CFAP47: variants seen among roughly 807,000 people sequenced by gnomAD.
The protein encoded by CFAP47 is cilia and flagella associated protein 47, also known as cilia- and flagella-associated protein 47.
In CFAP47, 29 loss-of-function variants were observed where a neutral mutation model predicts 148.1. The ratio of observed to expected loss-of-function variants is 0.20; its 90% CI spans 0.15 to 0.27. CFAP47 has a LOEUF of 0.27. Ranked by LOEUF, CFAP47 falls within the 10% of genes least tolerant of loss-of-function variation. CFAP47 has a pLI of 1.00. For missense variants in CFAP47, 1,872 were observed against 1,697.5 expected (o/e 1.10, Z -1.81); for synonymous variants, 664 against 577.3 (o/e 1.15, Z -2.15).
chrX:36,306,799 G>A lies in CFAP47; in HGVS notation c.8110G>A (p.Glu2704Lys). Reference protein sequence around the residue: ...QLIISPHSTTELPVLFYPSAL... With the variant: ...QLIISPHSTTKLPVLFYPSAL... The stretch of plus-strand genomic sequence containing the variant: ...GATCATATCTCCTCACTCCACCACA[G>A]AATTACCTGTTCTCTTTTATCCTTC... Residue 2704 changes from glutamate to lysine, a missense_variant, in exon 55 of 64, where the codon GAA (glutamate) becomes AAA (lysine). By Grantham distance (56) the Glu-to-Lys change is moderately conservative. Coordinates refer to ENST00000378653, the MANE Select transcript of CFAP47 (RefSeq NM_001304548.2). 8.6e-7 allele frequency: 1 copy of A among 1,159,917 alleles called. No homozygotes were observed.
intron 15 of CFAP47, among the ~76,000 whole-genome samples, chrX:35,986,433 C>T (rs926905227): frequency 4.6e-5 from 5 of 108,321 alleles, no homozygotes; most frequent in East Asian, 3.0e-4. Flanking sequence ...ACAAAGTTCT[C>T]GTGCTGTGTT....
chrX:35,978,865 C>A (rs745912188), intron 15 of CFAP47, among the ~76,000 whole-genome samples: 17 of 111,886 alleles, frequency 1.5e-4, no homozygotes, highest in Non-Finnish European at 2.6e-4. Flanking sequence ...ATGAATAATT[C>A]CAAATTAAAA....
At chrX:36,163,598 C>T (rs943830547) in intron 39 of CFAP47, among the ~76,000 whole-genome samples, 3 of 110,876 alleles carry the variant, frequency 2.7e-5, no homozygotes, top group Non-Finnish European at 5.7e-5. Context: ...TTTTTATCTT[C>T]ATTAATCTTA....
chrX:36,350,792 C>T (rs1259002880), intron 59 of CFAP47, among the ~76,000 whole-genome samples: 1 of 109,001 alleles, frequency 9.2e-6, no homozygotes, highest in Non-Finnish European at 1.9e-5. Flanking sequence ...CTTGATTTTC[C>T]CATTGCCTTC....
At position 35,979,665 on chromosome X, in the gene CFAP47, C is replaced by T. The variant is rs142521848; in HGVS notation, c.2713+3752C>T. Among the ~76,000 whole-genome samples, 764 of 111,499 alleles carry T rather than the reference C, an allele frequency of 6.9e-3. 4 individuals are homozygous for T. Among genetic ancestry groups the T allele is most frequent in the Non-Finnish European group, 0.012 (628 of 53,123 alleles). On this transcript the variant is annotated intron_variant, in intron 15 of 63. Transcript: ENST00000378653. ...TGCTGTACTGATCACATAGGAGAGG[C>T]CTCAGTTCAAAAGTATCTCACAAGG...
At chrX:36,006,479 T>G (rs1208125774) in intron 21 of CFAP47, among the ~76,000 whole-genome samples, 1 of 111,974 alleles carries the variant, frequency 8.9e-6, no homozygotes, top group Admixed American at 9.5e-5. Context: ...ATTATCTGGT[T>G]TCCAGTCATT....
intron 43 of CFAP47, among the ~76,000 whole-genome samples, 175 bp downstream of exon 43, chrX:36,200,668 A>G (rs1569287130): frequency 8.9e-6 from 1 of 111,862 alleles, no homozygotes; most frequent in Non-Finnish European, 1.9e-5. Context: ...CATTTTACCA[A>G]TTAAAAAATT....
At chrX:36,309,638 G>A (rs185735002) in intron 55 of CFAP47, among the ~76,000 whole-genome samples, 689 of 110,991 alleles carry the variant, frequency 6.2e-3, no homozygotes, top group African/African-American at 0.021. Context: ...TACTCTATGC[G>A]ACTTGAGAAA....
chrX:36,313,172 A>G (rs1345987901), intron 56 of CFAP47, among the ~76,000 whole-genome samples: 2 of 111,337 alleles, frequency 1.8e-5, no homozygotes, highest in East Asian at 5.6e-4. Flanking sequence ...AATAGAGATT[A>G]ATACTATATT....
At chrX:35,972,549 C>G (rs1936510534) in intron 13 of CFAP47, among the ~76,000 whole-genome samples, 1 of 111,451 alleles carries the variant, frequency 9.0e-6, no homozygotes, top group African/African-American at 3.3e-5. Context: ...CTATTTCTAC[C>G]CCTTGCCTCA....
intron 49 of CFAP47, among the ~76,000 whole-genome samples, chrX:36,269,976 C>A (rs1556001592): frequency 9.0e-6 from 1 of 111,708 alleles, no homozygotes; most frequent in African/African-American, 3.2e-5. Context: ...CTACATGGTG[C>A]CTAAATCAAT....
chrX:36,123,283 C>T (rs1938777502), intron 33 of CFAP47, among the ~76,000 whole-genome samples: 2 of 111,960 alleles, frequency 1.8e-5, no homozygotes, highest in Admixed American at 9.4e-5. Flanking sequence ...TGTAACCACT[C>T]CCTAGCTACT....
At chrX:36,269,273 A>G (rs868950991) in intron 49 of CFAP47, among the ~76,000 whole-genome samples, 2 of 112,388 alleles carry the variant, frequency 1.8e-5, no homozygotes, top group Middle Eastern at 4.6e-3. Context: ...AGTGTAGTGA[A>G]TCTAAACAAA....
At chrX:36,024,914 C>A (rs1162724888) in intron 22 of CFAP47, among the ~76,000 whole-genome samples, 1 of 110,908 alleles carries the variant, frequency 9.0e-6, no homozygotes, top group South Asian at 3.8e-4. Context: ...GTGACCTTTG[C>A]AGGGAGGACC....
chrX:36,202,901 A>G (rs1555988255), intron 44 of CFAP47, among the ~76,000 whole-genome samples: 3 of 110,724 alleles, frequency 2.7e-5, no homozygotes, highest in African/African-American at 9.8e-5. Flanking sequence ...AGAGAAAGAA[A>G]AAAAGCTATA....
rs180824812 is a variant in CFAP47, at chrX:36,270,750, T to C, written c.7445-9737T>C. ...ATGATATAATGAATATATATACTTA[T>C]ATACATATTCTGGACACAAATCCTT... is the stretch of plus-strand genomic sequence containing the variant. On this transcript the variant is annotated intron_variant, in intron 49 of 63. Transcript: ENST00000378653. Among the ~76,000 whole-genome samples the C allele has an allele frequency of 2.2e-4, 24 of 107,032 alleles. 1 individual carries two copies. The East Asian group carries it at 4.8e-3, about 22-fold the overall frequency. The allele number at this position is 107,032 out of a possible 115,157, so 92.9% of individuals were successfully genotyped here.
intron 42 of CFAP47, among the ~76,000 whole-genome samples, 193 bp from the exon 43 acceptor site, chrX:36,200,186 A>G (rs782333190): frequency 3.3e-4 from 37 of 112,259 alleles, no homozygotes; most frequent in Admixed American, 1.5e-3. Flanking sequence ...CTCTGGTTGC[A>G]GGCAAAGTTT....
intron 48 of CFAP47, among the ~76,000 whole-genome samples, chrX:36,247,476 G>C (rs1217257524): frequency 2.7e-5 from 3 of 110,559 alleles, no homozygotes; most frequent in African/African-American, 9.9e-5. Flanking sequence ...TAAATATCTT[G>C]GCAGGCTTAA....
chrX:36,065,770 CT>C, intron 27 of CFAP47, 27 bp downstream of exon 27: 1 of 853,881 alleles, frequency 1.2e-6, no homozygotes, highest in South Asian at 2.2e-5. Flanking sequence ...TTATTTATCC[CT>C]AACTCTCACT....
Sources: allele counts gnomAD v4.1 joint callset (sites outside exome capture counted in the v4.1 genomes callset), GRCh38; gene constraint gnomAD v4.1.1; transcripts MANE v1.5; gene names NCBI Gene and HGNC (gene_info 2026-07-23, HGNC 2026-07-21).